The following PCDH15 variants were observed in gnomAD, a reference collection of about 807,000 sequenced individuals.
The protein encoded by PCDH15 is protocadherin related 15.
Under a neutral mutation model 178.5 loss-of-function variants are expected in PCDH15, and 129 were observed. The observed-to-expected ratio is 0.72, with a 90% CI of 0.63 to 0.84. PCDH15 has a LOEUF of 0.84. Ranked by LOEUF, PCDH15 falls within the 40% of genes least tolerant of loss-of-function variation. PCDH15 has a pLI of 0.00. For missense variants in PCDH15, 2,230 were observed against 2,099.9 expected (o/e 1.06, Z -1.21); for synonymous variants, 800 against 732.0 (o/e 1.09, Z -1.50).
At chr10:55,567,769 G>C (rs962544600) in intron 2 of PCDH15, among the ~76,000 whole-genome samples, 1 of 151,678 alleles carries the variant, frequency 6.6e-6, no homozygotes, top group Non-Finnish European at 1.5e-5. Context: ...CGCGATGACT[G>C]GGTGTTCACA....
chr10:54,189,166 C>CT (rs2048741250), intron 11 of PCDH15, among the ~76,000 whole-genome samples: 1 of 151,616 alleles, frequency 6.6e-6, no homozygotes, highest in Non-Finnish European at 1.5e-5. Context: ...ATATTTTTAC[C>CT]TTTTTTAACT....
chr10:54,860,201 T>A (rs1953814933), intron 3 of PCDH15, among the ~76,000 whole-genome samples: 1 of 152,026 alleles, frequency 6.6e-6, no homozygotes, highest in Non-Finnish European at 1.5e-5. Context: ...GTTTCATGGG[T>A]GTATTGTGCA....
At chr10:54,872,774 G>A (rs577708865) in intron 3 of PCDH15, among the ~76,000 whole-genome samples, 12 of 152,074 alleles carry the variant, frequency 7.9e-5, no homozygotes, top group East Asian at 1.9e-4. Flanking sequence ...AAGAACAATC[G>A]CAGGAGCAAG....
chr10:54,938,837 T>C (rs1837978561), intron 2 of PCDH15, among the ~76,000 whole-genome samples: 1 of 152,282 alleles, frequency 6.6e-6, no homozygotes, highest in African/African-American at 2.4e-5. Context: ...GATGTCATTC[T>C]GGAAGAAAGA....
chr10:55,458,667 T>G (rs2132089747), intron 2 of PCDH15, among the ~76,000 whole-genome samples: 1 of 152,028 alleles, frequency 6.6e-6, no homozygotes, highest in Non-Finnish European at 1.5e-5. Context: ...ATAGCAGAAC[T>G]AAAATATCTA....
chr10:54,162,377 G>GA (rs145796893), intron 13 of PCDH15, among the ~76,000 whole-genome samples: 2,069 of 152,208 alleles, frequency 0.014, 43 homozygotes, highest in African/African-American at 0.047. Flanking sequence ...GGCAAGCAAA[G>GA]AAAAGCCAGA....
chr10:53,923,171 ATAAC>A (rs2084157407), intron 25 of PCDH15, among the ~76,000 whole-genome samples: 1 of 152,342 alleles, frequency 6.6e-6, no homozygotes, highest in Non-Finnish European at 1.5e-5. Flanking sequence ...CTGTAAGTAA[ATAAC>A]TAGTAACAGG....
At chr10:54,909,839 T>G (rs1954789126) in intron 2 of PCDH15, among the ~76,000 whole-genome samples, 1 of 152,020 alleles carries the variant, frequency 6.6e-6, no homozygotes, top group Non-Finnish European at 1.5e-5. Flanking sequence ...GCCTTTATGC[T>G]GGAACAAACT....
chr10:54,983,900 T>C (rs544378705), intron 2 of PCDH15, among the ~76,000 whole-genome samples: 1 of 152,126 alleles, frequency 6.6e-6, no homozygotes, highest in East Asian at 1.9e-4. Flanking sequence ...ATAACACAAT[T>C]GATAGAAAGT....
At chr10:55,524,369 G>A (rs1447333203) in intron 2 of PCDH15, among the ~76,000 whole-genome samples, 2 of 151,456 alleles carry the variant, frequency 1.3e-5, no homozygotes, top group Non-Finnish European at 3.0e-5. Context: ...CCAATACAGT[G>A]GCCACCAGTC....
intron 5 of PCDH15, among the ~76,000 whole-genome samples, chr10:54,366,217 T>A (rs1251766743): frequency 6.6e-6 from 1 of 152,128 alleles, no homozygotes; most frequent in Non-Finnish European, 1.5e-5. Flanking sequence ...AAGCTTCTTT[T>A]ATAAATCTGT....
intron 8 of PCDH15, among the ~76,000 whole-genome samples, chr10:54,239,432 T>TATATATATATAGAGAGAGAGAG (rs1554853331): frequency 2.0e-5 from 3 of 150,560 alleles, no homozygotes; most frequent in African/African-American, 7.3e-5. Flanking sequence ...TATATATATA[T>TATATATATATAGAGAGAGAGAG]AGAGTAAGAA....
chr10:54,270,835 G>A (rs2058003711), intron 8 of PCDH15, among the ~76,000 whole-genome samples: 2 of 152,066 alleles, frequency 1.3e-5, no homozygotes, highest in South Asian at 2.1e-4. Context: ...GATAAGAACA[G>A]GGCTTGAATT....
chr10:53,951,718 CT>C (rs1434431208), intron 23 of PCDH15, among the ~76,000 whole-genome samples: 4 of 152,148 alleles, frequency 2.6e-5, no homozygotes, highest in African/African-American at 9.7e-5. Flanking sequence ...CTGGTGGCAC[CT>C]TTACATGAAT....
Position 54,607,809 on chromosome 10 carries a change from G to A in PCDH15, c.91+56363C>T, listed in dbSNP as rs986965202. The A allele has an allele frequency of 1.2e-4, 63 of 516,158 alleles. 1 individual carries two copies. The Admixed American group carries it at 1.3e-3, about 11-fold the overall frequency. The allele number at this position is 516,158 out of a possible 1,614,324, so 32.0% of individuals were successfully genotyped here. ...CAAAGAATTTTTATAGATATATGAA[G>A]AATGATGGTAAGGAAGAGATATGAT... On this transcript the variant is annotated intron_variant, in intron 2 of 37. Coordinates refer to ENST00000644397, the MANE Select transcript of PCDH15 (RefSeq NM_001384140.1).
chr10:54,287,064 T>C (rs1229561789), intron 8 of PCDH15, among the ~76,000 whole-genome samples: 1 of 152,238 alleles, frequency 6.6e-6, no homozygotes, highest in Non-Finnish European at 1.5e-5. Context: ...TGATAAGTTA[T>C]ACATTAAATA....
intron 33 of PCDH15, among the ~76,000 whole-genome samples, chr10:53,819,047 ATT>A (rs2076162816): frequency 6.6e-6 from 1 of 152,040 alleles, no homozygotes; most frequent in African/African-American, 2.4e-5. Flanking sequence ...TCTGCAGTGA[ATT>A]TCGTAGAGTG....
At chr10:55,131,605 T>C (rs1036913905) in intron 2 of PCDH15, among the ~76,000 whole-genome samples, 4 of 152,138 alleles carry the variant, frequency 2.6e-5, no homozygotes, top group Non-Finnish European at 5.9e-5. Flanking sequence ...AGATGCTTTA[T>C]TGAGTGTCAT....
intron 1 of PCDH15, among the ~76,000 whole-genome samples, chr10:54,756,011 C>T (rs1725371230): frequency 6.6e-6 from 1 of 150,836 alleles, no homozygotes; most frequent in African/African-American, 2.4e-5. Context: ...GTCAGGAGTT[C>T]AAGACCAGCC....
Sources: gnomAD v4.1 joint callset for allele counts (sites outside exome capture counted in the v4.1 genomes callset) on GRCh38, gnomAD v4.1.1 for gene constraint, MANE v1.5 for transcripts, NCBI Gene and HGNC (gene_info 2026-07-23, HGNC 2026-07-21) for gene names.